Variants in SLC5A8 observed in about 807,000 individuals in gnomAD.
The protein encoded by SLC5A8 is sodium-coupled monocarboxylate transporter 1.
A neutral mutation model predicts 71.9 loss-of-function variants in SLC5A8; 55 were observed. That is an observed-to-expected ratio of 0.77 (90% confidence interval 0.62 to 0.96). The LOEUF is 0.96. Among genes scored for constraint, SLC5A8 ranks in the 40% least tolerant of loss-of-function variants. The pLI, the probability that SLC5A8 is intolerant of heterozygous loss-of-function variation, is 0.00. For missense variants in SLC5A8, 701 were observed against 745.3 expected, an observed-to-expected ratio of 0.94 and a Z score of 0.69; for synonymous variants, 307 against 276.1, an observed-to-expected ratio of 1.11 and a Z score of -1.11.
Position 101,210,009 on chromosome 12 carries a change from G to A in SLC5A8, c.-161C>T. Reference sequence around the variant, plus strand: ...GTGTCGGCCTCCGAACGCACCCCGAGGCGGGGTGAGGGCTGGCAGTCGCCC... The same window carrying A: ...GTGTCGGCCTCCGAACGCACCCCGAAGCGGGGTGAGGGCTGGCAGTCGCCC... On this transcript the variant is annotated 5_prime_UTR_variant, in exon 1 of 15. Transcript: ENST00000536262. 1.0e-5 allele frequency: 6 copies of A among 593,178 alleles called. No homozygotes were observed. The South Asian group carries it at 1.6e-4, about 16-fold the overall frequency. 36.7% of individuals were successfully genotyped at this position (593,178 alleles called of 1,614,324 possible). A position where few individuals can be genotyped will look rare whatever the true frequency, so the allele number is the denominator to read the frequency against.
intron 10 of SLC5A8, among the ~76,000 whole-genome samples, chr12:101,176,225 C>G (rs2051878739): frequency 6.6e-6 from 1 of 151,872 alleles, no homozygotes; most frequent in Non-Finnish European, 1.5e-5. Context: ...ATACACCTCA[C>G]AGCAAAAAAA....
At chr12:101,158,109 A>G (rs1593357797) in intron 14 of SLC5A8, 140 bp downstream of exon 14, 4 of 664,278 alleles carry the variant, frequency 6.0e-6, no homozygotes, top group Non-Finnish European at 1.1e-5. Context: ...GCTATCCAAC[A>G]TATATAGATC....
chr12:101,179,950 A>C (rs748499638), intron 10 of SLC5A8, 79 bp downstream of exon 10: 5 of 1,448,984 alleles, frequency 3.5e-6, no homozygotes, highest in Admixed American at 1.7e-5. Flanking sequence ...TATCGAGAGA[A>C]GTCTGGAAGG....
At chr12:101,165,295 C>A (rs1480593839) in intron 12 of SLC5A8, among the ~76,000 whole-genome samples, 1 of 152,150 alleles carries the variant, frequency 6.6e-6, no homozygotes, top group African/African-American at 2.4e-5. Flanking sequence ...TCCAAATAAC[C>A]ATTTTGCCTT....
At position 101,156,993 on chromosome 12, in the gene SLC5A8, G is replaced by C. The variant is rs913886351; in HGVS notation, c.*286C>G. On this transcript the variant is annotated 3_prime_UTR_variant, in exon 15 of 15. Transcript: ENST00000536262. ...GACAATCAAATACATGTGCATATGTGTGTATTAGCCTTTCAGCATCTATGT... is the reference window on the plus strand; with the variant it reads ...GACAATCAAATACATGTGCATATGTCTGTATTAGCCTTTCAGCATCTATGT... The C allele has an allele frequency of 6.3e-6, 2 of 318,448 alleles. No individual in the cohort carries two copies. The highest frequency in any genetic ancestry group is 1.2e-5 in the Non-Finnish European group (2 of 173,404). 19.7% of individuals were successfully genotyped at this position (318,448 alleles called of 1,614,324 possible). A position where few individuals can be genotyped will look rare whatever the true frequency, so the allele number is the denominator to read the frequency against.
intron 9 of SLC5A8, among the ~76,000 whole-genome samples, chr12:101,181,661 G>C (rs978957347): frequency 7.2e-5 from 11 of 152,156 alleles, no homozygotes; most frequent in African/African-American, 2.7e-4. Flanking sequence ...AAGCAAGACT[G>C]GGTTTGTCTG....
chr12:101,186,972 ATC>A (rs1342010153), intron 7 of SLC5A8, among the ~76,000 whole-genome samples: 1 of 152,180 alleles, frequency 6.6e-6, no homozygotes, highest in Non-Finnish European at 1.5e-5. Flanking sequence ...TATTGGATCC[ATC>A]TCTCCATCAT....
chr12:101,209,873 C>A lies in SLC5A8; in HGVS notation c.-25G>T, dbSNP rs746449641. Reference sequence around the variant, plus strand: ...TGGCCGCACGGTCGCCTGAGCCCTGCGCGCAAACTGGTGGCCCCGCGGCGC... The same window carrying A: ...TGGCCGCACGGTCGCCTGAGCCCTGAGCGCAAACTGGTGGCCCCGCGGCGC... On this transcript the variant is annotated 5_prime_UTR_variant, in exon 1 of 15. Transcript: ENST00000536262. 5.4e-6 allele frequency: 8 copies of A among 1,493,292 alleles called. No individual in the cohort carries two copies. The East Asian group carries it at 9.6e-5, about 18-fold the overall frequency. 92.5% of individuals were successfully genotyped at this position (1,493,292 alleles called of 1,614,324 possible). A position where few individuals can be genotyped will look rare whatever the true frequency, so the allele number is the denominator to read the frequency against.
chr12:101,190,410 TTTCCA>T, intron 6 of SLC5A8, 53 bp downstream of exon 6: 1 of 1,549,562 alleles, frequency 6.5e-7, no homozygotes, highest in Non-Finnish European at 8.7e-7. Context: ...TATGAAAGAG[TTTCCA>T]TAAAGACAAC....
Position 101,157,203 on chromosome 12 carries a change from G to A in SLC5A8, c.*76C>T. ...GATACAACACACACACACACACAAA[G>A]AAAACCTGATCCAATTATCTTAGAA... On this transcript the variant is annotated 3_prime_UTR_variant, in exon 15 of 15. Coordinates refer to ENST00000536262, the MANE Select transcript of SLC5A8 (RefSeq NM_145913.5). 1.3e-6 allele frequency: 2 copies of A among 1,530,346 alleles called. No homozygotes were observed. Among genetic ancestry groups the A allele is most frequent in the South Asian group, 1.2e-5 (1 of 81,286 alleles). 94.8% of individuals were successfully genotyped at this position (1,530,346 alleles called of 1,614,324 possible). A position where few individuals can be genotyped will look rare whatever the true frequency, so the allele number is the denominator to read the frequency against.
intron 13 of SLC5A8, among the ~76,000 whole-genome samples, chr12:101,161,406 A>G (rs571209346): frequency 2.3e-3 from 356 of 152,330 alleles, no homozygotes; most frequent in African/African-American, 8.1e-3. Context: ...TAGCAATCCC[A>G]GAGAGCAATT....
chr12:101,190,525 A>G lies in SLC5A8; in HGVS notation c.776T>C (p.Val259Ala). 6.2e-7 allele frequency: 1 copy of G among 1,613,472 alleles called. No homozygotes were observed. Reference protein sequence around the residue: ...GTFTWTSIYGVNQSQVQRYIS... With the variant: ...GTFTWTSIYGANQSQVQRYIS... ...ATATCTCTGCACCTGGGATTGGTTG[A>G]CACCGTAGATGCTGGTCCATGTGAA... Residue 259 changes from valine (V) to alanine (A), a missense_variant, in exon 6 of 15, where the codon GTC becomes GCC. Coordinates refer to ENST00000536262, the MANE Select transcript of SLC5A8 (RefSeq NM_145913.5).
At chr12:101,158,698 C>T (rs1186546772) in intron 13 of SLC5A8, among the ~76,000 whole-genome samples, 4 of 144,096 alleles carry the variant, frequency 2.8e-5, no homozygotes, top group African/African-American at 1.0e-4. Context: ...TGGTACTCAA[C>T]TAGAGAAACA....
intron 3 of SLC5A8, among the ~76,000 whole-genome samples, chr12:101,201,642 TATTTGTAAGGGCACTACAGAC>T (rs1214387125): frequency 6.6e-6 from 1 of 152,226 alleles, no homozygotes; most frequent in African/African-American, 2.4e-5. Context: ...TTCCTAAATT[TATTTGTAAGGGCACTACAGAC>T]ATCTGTCCTT....
chr12:101,180,169 C>A (rs1189800519), intron 9 of SLC5A8, 73 bp from the exon 10 acceptor site: 8 of 1,439,554 alleles, frequency 5.6e-6, no homozygotes, highest in South Asian at 1.1e-5. Flanking sequence ...AATAATCCAC[C>A]ACACCTTTGA....
Position 101,157,042 on chromosome 12 carries a change from C to A in SLC5A8, c.*237G>T. ...GTAGTTACAATTTTCACAATTATAG[C>A]TTCATCGAAATAAAGGAAAGAGAGG... On this transcript the variant is annotated 3_prime_UTR_variant, in exon 15 of 15. Coordinates refer to ENST00000536262, the MANE Select transcript of SLC5A8 (RefSeq NM_145913.5). 1 of 451,958 alleles carries A rather than the reference C, an allele frequency of 2.2e-6. No homozygotes were observed. The highest frequency in any genetic ancestry group is 6.1e-4 in the Middle Eastern group (1 of 1,638). 28.0% of individuals were successfully genotyped at this position (451,958 alleles called of 1,614,324 possible). A position where few individuals can be genotyped will look rare whatever the true frequency, so the allele number is the denominator to read the frequency against.
rs755457043 is a variant in SLC5A8, at chr12:101,193,829, A to G, written c.538-50T>C. 9 of 1,585,912 alleles carry G rather than the reference A, an allele frequency of 5.7e-6. No homozygotes were observed. In the Admixed American group the frequency reaches 1.5e-4, roughly 27 times the overall value. The stretch of plus-strand genomic sequence containing the variant: ...TTAATGCTTCTATTAGACATTATTA[A>G]GCATCTACACACTTATACACTATAC... On this transcript the variant is annotated intron_variant, in intron 4 of 14. Coordinates refer to ENST00000536262, the MANE Select transcript of SLC5A8 (RefSeq NM_145913.5).
chr12:101,169,595 C>T (rs1853636172), intron 10 of SLC5A8, among the ~76,000 whole-genome samples: 1 of 152,102 alleles, frequency 6.6e-6, no homozygotes, highest in Non-Finnish European at 1.5e-5. Context: ...CTGGAGGACC[C>T]CTGCTGTGCC....
intron 10 of SLC5A8, among the ~76,000 whole-genome samples, 154 bp from the exon 11 acceptor site, chr12:101,168,336 A>AT (rs2137127820): frequency 6.6e-6 from 1 of 152,334 alleles, no homozygotes; most frequent in African/African-American, 2.4e-5. Context: ...AAAAGAAGTC[A>AT]TTAGAACTTA....
Sources: allele counts gnomAD v4.1 joint callset (sites outside exome capture counted in the v4.1 genomes callset), GRCh38; gene constraint gnomAD v4.1.1; transcripts MANE v1.5; gene names NCBI Gene and HGNC (gene_info 2026-07-23, HGNC 2026-07-21).